ANXA2: variants seen among roughly 807,000 people sequenced by gnomAD.
The protein encoded by ANXA2 is annexin A2.
A neutral mutation model predicts 47.3 loss-of-function variants in ANXA2; 28 were observed. The observed-to-expected ratio is 0.59, with a 90% CI of 0.44 to 0.81. The LOEUF is 0.81. ANXA2 is among the 40% of genes least tolerant of loss of function. ANXA2 has a pLI of 0.00. For synonymous variants in ANXA2, 172 were observed against 155.5 expected, an observed-to-expected ratio of 1.11 and a Z score of -0.79; for missense variants, 384 against 414.3, an observed-to-expected ratio of 0.93 and a Z score of 0.64.
chr15:60,355,690 C>A (rs765167740), intron 7 of ANXA2: 2 of 593,554 alleles, frequency 3.4e-6, no homozygotes, highest in Non-Finnish European at 6.2e-6. Context: ...AGCCGCCCAT[C>A]CCTTCTCTGG....
Position 60,364,909 on chromosome 15 carries a change from T to C in ANXA2, c.149-386A>G, listed in dbSNP as rs1014439871. On this transcript the variant is annotated intron_variant, in intron 3 of 12. Coordinates refer to ENST00000451270, the MANE Select transcript of ANXA2 (RefSeq NM_004039.3). ...CCCCAAATTGCCATTTAACTCGGGATTTAATAGAGAGTAACTGCAAACTGA... is the reference window on the plus strand; with the variant it reads ...CCCCAAATTGCCATTTAACTCGGGACTTAATAGAGAGTAACTGCAAACTGA... Among the ~76,000 whole-genome samples, 8 of 151,416 alleles carry C rather than the reference T, an allele frequency of 5.3e-5. No homozygotes were observed. In the East Asian group the frequency reaches 1.5e-3, roughly 29 times the overall value.
chr15:60,364,581 A>T, intron 3 of ANXA2, 58 bp from the exon 4 acceptor site: 2 of 1,368,520 alleles, frequency 1.5e-6, no homozygotes, highest in South Asian at 1.3e-5. Context: ...TTGGGCTTAC[A>T]TAGAAGGTGT....
chr15:60,355,301 T>C (rs1399607440), intron 7 of ANXA2: 1 of 159,974 alleles, frequency 6.3e-6, no homozygotes, highest in Non-Finnish European at 1.4e-5. Context: ...GAGAATGGCA[T>C]AGGAGTTGTT....
chr15:60,354,619 C>CAAAAAAA (rs5813019), intron 7 of ANXA2, among the ~76,000 whole-genome samples: 2 of 109,278 alleles, frequency 1.8e-5, no homozygotes, highest in African/African-American at 3.7e-5. Context: ...GACTCTGTCT[C>CAAAAAAA]AAAAAAAAAA....
chr15:60,351,076 T>C, intron 11 of ANXA2, 117 bp downstream of exon 11: 1 of 957,664 alleles, frequency 1.0e-6, no homozygotes, highest in Non-Finnish European at 1.6e-6. Flanking sequence ...AGTGTGTTCC[T>C]GCATCCACAC....
chr15:60,381,291 G>A lies in ANXA2; in HGVS notation c.148+1051C>T, dbSNP rs574828244. 1.3e-4 allele frequency among the ~76,000 whole-genome samples: 20 copies of A among 152,254 alleles called. No individual in the cohort carries two copies. The East Asian group carries it at 1.4e-3, about 10-fold the overall frequency. ...TGACATGGCTCTTCACCAGGGGCAC[G>A]AACCAGCAGCAGCTCTAATTGTGCT... is the stretch of plus-strand genomic sequence containing the variant. On this transcript the variant is annotated intron_variant, in intron 3 of 12. Coordinates refer to ENST00000451270, the MANE Select transcript of ANXA2 (RefSeq NM_004039.3).
intron 4 of ANXA2, among the ~76,000 whole-genome samples, chr15:60,363,462 C>T (rs1268816511): frequency 6.6e-6 from 1 of 152,210 alleles, no homozygotes; most frequent in African/African-American, 2.4e-5. Flanking sequence ...AGCTCACCTC[C>T]ACTGTGGCTA....
intron 3 of ANXA2, 47 bp from the exon 4 acceptor site, chr15:60,364,570 T>G (rs1456936102): frequency 2.0e-6 from 3 of 1,499,060 alleles, no homozygotes; most frequent in Non-Finnish European, 2.7e-6. Flanking sequence ...ACTCTAGTAT[T>G]TTGGGCTTAC....
At chr15:60,397,769 G>T in intron 1 of ANXA2, 174 bp downstream of exon 1, 2 of 1,059,926 alleles carry the variant, frequency 1.9e-6, no homozygotes, top group South Asian at 2.9e-5. Flanking sequence ...CCTTGTCCCT[G>T]AGCCCCCTCC....
At chr15:60,354,095 T>C (rs372306680) in intron 8 of ANXA2, 59 bp downstream of exon 8, 37 of 1,389,496 alleles carry the variant, frequency 2.7e-5, no homozygotes, top group Non-Finnish European at 3.3e-5. Context: ...AATTACTATA[T>C]AGACTATCCA....
At chr15:60,373,953 G>C (rs1005515787) in intron 3 of ANXA2, among the ~76,000 whole-genome samples, 1 of 152,218 alleles carries the variant, frequency 6.6e-6, no homozygotes, top group African/African-American at 2.4e-5. Flanking sequence ...AACTCTGGCA[G>C]CTGCCAAGAG....
Position 60,351,191 on chromosome 15 carries a change from A to C in ANXA2, c.837+2T>G. 1 of 1,614,080 alleles carries C rather than the reference A, an allele frequency of 6.2e-7. No individual in the cohort carries two copies. Among genetic ancestry groups the C allele is most frequent in the Non-Finnish European group, 8.5e-7 (1 of 1,179,954 alleles). On this transcript the variant is annotated splice_donor_variant, in intron 11 of 12. Transcript: ENST00000451270. LOFTEE classifies it high-confidence loss of function. ...ACAGCTCTCTCAGCCAGCTGCCCTTACCTTCATGGAGTCATACAGCCGATC... is the reference window on the plus strand; with the variant it reads ...ACAGCTCTCTCAGCCAGCTGCCCTTCCCTTCATGGAGTCATACAGCCGATC...
In ANXA2 at chr15:60,352,906, G is replaced by C. The variant is rs763704879; in HGVS notation, c.589-430C>G. 3.9e-5 allele frequency among the ~76,000 whole-genome samples: 6 copies of C among 152,176 alleles called. No homozygotes were observed. The highest frequency in any genetic ancestry group is 7.3e-5 in the Non-Finnish European group (5 of 68,032). Reference sequence around the variant, plus strand: ...CTCAAGCTTCTCAGAGACTCAGGGAGTGATGGAGCTGGAAAAGGAGCCCAT... The same window carrying C: ...CTCAAGCTTCTCAGAGACTCAGGGACTGATGGAGCTGGAAAAGGAGCCCAT... On this transcript the variant is annotated intron_variant, in intron 8 of 12. Coordinates refer to ENST00000451270, the MANE Select transcript of ANXA2 (RefSeq NM_004039.3). The surrounding 1 kb of genome is among the most constrained non-coding windows in gnomAD (Gnocchi z 4.2).
chr15:60,348,742 T>G (rs1336056034), intron 12 of ANXA2, among the ~76,000 whole-genome samples: 1 of 114,208 alleles, frequency 8.8e-6, no homozygotes, highest in South Asian at 2.9e-4. Context: ...CAAGACTCCG[T>G]CTCAAAAAAA....
intron 3 of ANXA2, among the ~76,000 whole-genome samples, chr15:60,370,625 C>T (rs770828412): frequency 7.2e-5 from 11 of 152,276 alleles, no homozygotes; most frequent in Admixed American, 1.3e-4. Context: ...AGGACTCGGA[C>T]GGAACCTCGA....
At chr15:60,387,988 G>C (rs1385961622) in intron 1 of ANXA2, among the ~76,000 whole-genome samples, 1 of 152,132 alleles carries the variant, frequency 6.6e-6, no homozygotes, top group African/African-American at 2.4e-5. Flanking sequence ...AGGAGATAGA[G>C]ACCAGCCTGG....
intron 8 of ANXA2, among the ~76,000 whole-genome samples, chr15:60,353,349 C>A (rs1360707408): frequency 2.0e-5 from 3 of 152,072 alleles, no homozygotes; most frequent in East Asian, 1.9e-4. Context: ...CTTTCTCCCC[C>A]ACCACAACAG....
chr15:60,394,365 G>A lies in ANXA2; in HGVS notation c.-12+3578C>T, dbSNP rs774170005. On this transcript the variant is annotated intron_variant, in intron 1 of 12. Transcript: ENST00000451270. ...CCTGGGGTAAAACTCAGGCCACTTG[G>A]GTGCTACCGACCTGTCCAGTTGAGC... is the stretch of plus-strand genomic sequence containing the variant. Among the ~76,000 whole-genome samples, 137 of 152,208 alleles carry A rather than the reference G, an allele frequency of 9.0e-4. 2 individuals are homozygous for A. Among genetic ancestry groups the A allele is most frequent in the Admixed American group, 1.4e-3 (21 of 15,296 alleles).
chr15:60,365,997 C>T (rs1457832403), intron 3 of ANXA2, among the ~76,000 whole-genome samples: 9 of 142,466 alleles, frequency 6.3e-5, no homozygotes, highest in South Asian at 4.7e-4. Flanking sequence ...TGCAGGCGCG[C>T]GCCGCCACGC....
Sources: gnomAD v4.1 joint callset for allele counts (sites outside exome capture counted in the v4.1 genomes callset) on GRCh38, gnomAD v4.1.1 for gene constraint, Gnocchi (gnomAD v3.1) non-coding constraint, MANE v1.5 for transcripts, NCBI Gene and HGNC (gene_info 2026-07-23, HGNC 2026-07-21) for gene names.